DPP10: variants seen among roughly 807,000 people sequenced by gnomAD.
DPP10 encodes the protein dipeptidyl peptidase like 10.
DPP10 carries 33 observed loss-of-function variants against 120.9 expected under a neutral mutation model. That is an observed-to-expected ratio of 0.27 (90% CI 0.21 to 0.37). The LOEUF (loss-of-function observed/expected upper bound fraction) is 0.37, where lower values mean the gene tolerates loss of function less well. DPP10 is among the 10% of genes least tolerant of loss of function. The probability of loss-of-function intolerance (pLI) is 1.00; values close to 1 mark genes in which losing one functional copy is unlikely to be tolerated. For synonymous variants in DPP10, 337 were observed against 326.1 expected (o/e 1.03, Z -0.36); for missense variants, 816 against 942.8 (o/e 0.87, Z 1.76).
chr2:115,701,104 A>G (rs540284395), intron 7 of DPP10, among the ~76,000 whole-genome samples: 1 of 152,202 alleles, frequency 6.6e-6, no homozygotes, highest in African/African-American at 2.4e-5. Flanking sequence ...TAGAATTCGT[A>G]TGAAATTTCA....
chr2:115,513,135 A>G (rs546298691), intron 4 of DPP10, among the ~76,000 whole-genome samples: 1 of 151,324 alleles, frequency 6.6e-6, no homozygotes, highest in African/African-American at 2.4e-5. Context: ...CATAATTTTT[A>G]TCTTTGTCTC....
intron 1 of DPP10, among the ~76,000 whole-genome samples, chr2:114,799,542 T>C (rs1322829728): frequency 6.6e-6 from 1 of 152,240 alleles, no homozygotes; most frequent in Non-Finnish European, 1.5e-5. Context: ...GTTTAAATTT[T>C]AGGCTGGGAA....
At chr2:114,488,985 C>A (rs1245147385) in intron 1 of DPP10, among the ~76,000 whole-genome samples, 1 of 152,306 alleles carries the variant, frequency 6.6e-6, no homozygotes, top group East Asian at 1.9e-4. Context: ...AAGACCTCTG[C>A]CAGAGAGAAC....
At chr2:114,509,467 G>T (rs745776062) in intron 1 of DPP10, among the ~76,000 whole-genome samples, 4 of 152,152 alleles carry the variant, frequency 2.6e-5, no homozygotes, top group East Asian at 1.9e-4. Context: ...TTTGTATAAG[G>T]TTACATGTTT....
chr2:115,809,933 G>A (rs982141394), intron 19 of DPP10, among the ~76,000 whole-genome samples: 15 of 152,182 alleles, frequency 9.9e-5, no homozygotes, highest in African/African-American at 2.9e-4. Context: ...GGAGGCCGAG[G>A]CAGGCGGATC....
At chr2:115,149,581 T>A (rs2051419945) in intron 1 of DPP10, among the ~76,000 whole-genome samples, 2 of 152,230 alleles carry the variant, frequency 1.3e-5, no homozygotes, top group Admixed American at 1.3e-4. Flanking sequence ...GAACTAGTAG[T>A]CTTTGATACT....
At chr2:114,557,475 T>G (rs1271468379) in intron 1 of DPP10, among the ~76,000 whole-genome samples, 1 of 152,190 alleles carries the variant, frequency 6.6e-6, no homozygotes, top group Non-Finnish European at 1.5e-5. Context: ...CATAAATGGC[T>G]TCAGAAAGCT....
intron 1 of DPP10, among the ~76,000 whole-genome samples, chr2:115,076,513 C>T (rs1707809342): frequency 1.3e-5 from 2 of 152,026 alleles, no homozygotes; most frequent in South Asian, 2.1e-4. Context: ...GTATTCTGTA[C>T]TTTTGTTACA....
At chr2:114,556,171 AAG>A (rs973196158) in intron 1 of DPP10, among the ~76,000 whole-genome samples, 1 of 145,614 alleles carries the variant, frequency 6.9e-6, no homozygotes, top group African/African-American at 2.5e-5. Flanking sequence ...AGAGGTCTAG[AAG>A]AGAGAGGGTG....
At chr2:115,090,058 T>C (rs1409167729) in intron 1 of DPP10, among the ~76,000 whole-genome samples, 1 of 152,106 alleles carries the variant, frequency 6.6e-6, no homozygotes, top group Non-Finnish European at 1.5e-5. Context: ...TTTTCATGTC[T>C]AATTTTTGTT....
At chr2:115,029,378 G>A (rs897152644) in intron 1 of DPP10, among the ~76,000 whole-genome samples, 1 of 151,262 alleles carries the variant, frequency 6.6e-6, no homozygotes, top group African/African-American at 2.4e-5. Context: ...CAATATTAGA[G>A]TATTCTAGGT....
intron 1 of DPP10, among the ~76,000 whole-genome samples, chr2:115,019,931 G>A (rs1702948172): frequency 6.6e-6 from 1 of 152,124 alleles, no homozygotes; most frequent in South Asian, 2.1e-4. Context: ...CATAAATGAA[G>A]GAAAGATACA....
chr2:114,952,307 C>T (rs1481683497), intron 1 of DPP10, among the ~76,000 whole-genome samples: 2 of 152,026 alleles, frequency 1.3e-5, no homozygotes, highest in East Asian at 1.9e-4. Context: ...TGTATACACA[C>T]GAAATCAACC....
intron 5 of DPP10, among the ~76,000 whole-genome samples, chr2:115,636,339 G>T (rs2086330327): frequency 1.3e-5 from 2 of 152,140 alleles, no homozygotes; most frequent in African/African-American, 4.8e-5. Flanking sequence ...GCATGAAGTT[G>T]CATGACAGAC....
At chr2:115,032,107 GA>G (rs1374831343) in intron 1 of DPP10, among the ~76,000 whole-genome samples, 2 of 151,150 alleles carry the variant, frequency 1.3e-5, no homozygotes, top group East Asian at 3.9e-4. Context: ...ATGGCTAAAA[GA>G]AAAAACAAGC....
intron 5 of DPP10, among the ~76,000 whole-genome samples, chr2:115,559,017 A>G (rs79745385): frequency 6.6e-6 from 1 of 152,224 alleles, no homozygotes; most frequent in Non-Finnish European, 1.5e-5. Flanking sequence ...CATTTCCCAG[A>G]TATGATAAAT....
intron 12 of DPP10, among the ~76,000 whole-genome samples, chr2:115,763,671 C>T (rs1056997172): frequency 2.0e-5 from 3 of 152,144 alleles, no homozygotes; most frequent in Admixed American, 6.6e-5. Context: ...CCTCAGGCAC[C>T]TGCCAATCTG....
intron 3 of DPP10, among the ~76,000 whole-genome samples, chr2:115,368,563 G>T (rs1002078314): frequency 2.0e-5 from 3 of 151,886 alleles, no homozygotes; most frequent in African/African-American, 4.8e-5. Context: ...CTTCAGGTTT[G>T]CAGTATTTAA....
intron 1 of DPP10, among the ~76,000 whole-genome samples, chr2:114,851,236 A>G (rs534993426): frequency 5.7e-4 from 87 of 152,190 alleles, no homozygotes; most frequent in Non-Finnish European, 1.0e-3. Flanking sequence ...AATGTTTAGC[A>G]AATTATTACC....
Sources: allele counts gnomAD v4.1 joint callset (sites outside exome capture counted in the v4.1 genomes callset), GRCh38; gene constraint gnomAD v4.1.1; transcripts MANE v1.5; gene names NCBI Gene and HGNC (gene_info 2026-07-23, HGNC 2026-07-21).